The following CCDC181 variants were observed in gnomAD, a reference collection of about 807,000 sequenced individuals.
The protein encoded by CCDC181 is coiled-coil domain-containing protein 181.
In CCDC181, 35 loss-of-function variants were observed where a neutral mutation model predicts 58.7. That is an observed-to-expected ratio of 0.60 (90% CI 0.46 to 0.79). The LOEUF is 0.79. Ranked by LOEUF, CCDC181 falls within the 30% of genes least tolerant of loss-of-function variation. The pLI, the probability that CCDC181 is intolerant of heterozygous loss-of-function variation, is 0.00. For missense variants in CCDC181, 517 were observed against 583.9 expected (o/e 0.89, Z 1.18); for synonymous variants, 183 against 197.5 (o/e 0.93, Z 0.62).
chr1:169,444,866 T>C (rs1018170608), intron 2 of CCDC181, among the ~76,000 whole-genome samples: 4 of 152,134 alleles, frequency 2.6e-5, no homozygotes, highest in Admixed American at 2.0e-4. Context: ...AGATTACGGA[T>C]TGCCACAATT....
At chr1:169,409,999 A>T (rs1277065542) in intron 4 of CCDC181, among the ~76,000 whole-genome samples, 2 of 152,186 alleles carry the variant, frequency 1.3e-5, no homozygotes, top group Non-Finnish European at 2.9e-5. Flanking sequence ...ATAACCAACT[A>T]GCATCATAAT....
chr1:169,455,794 A>G (rs1443079320), intron 2 of CCDC181, among the ~76,000 whole-genome samples: 1 of 152,124 alleles, frequency 6.6e-6, no homozygotes, highest in Non-Finnish European at 1.5e-5. Context: ...TCTTTTTTTA[A>G]AGAAAGTACA....
chr1:169,398,063 G>A (rs1037382954), intron 4 of CCDC181, among the ~76,000 whole-genome samples: 18 of 152,116 alleles, frequency 1.2e-4, no homozygotes, highest in Non-Finnish European at 1.0e-4. Context: ...GATCTTTGAT[G>A]CACAACTGAA....
In CCDC181 at chr1:169,422,181, T is replaced by C. The variant is rs764909932; in HGVS notation, c.250A>G (p.Ile84Val). 2 of 1,613,890 alleles carry C rather than the reference T, an allele frequency of 1.2e-6. No homozygotes were observed. The highest frequency in any genetic ancestry group is 1.1e-5 in the South Asian group (1 of 91,078). Residue 84 changes from isoleucine (I) to valine (V), a missense_variant, in exon 3 of 6, where the codon ATT becomes GTT. By Grantham distance (29) the Ile-to-Val change is conservative. Transcript: ENST00000367806. ...AAAGGTTGAATACCTGGTACAGAAATGATGTCATTTCTTCTTGGTGAGACC... is the reference window on the plus strand; with the variant it reads ...AAAGGTTGAATACCTGGTACAGAAACGATGTCATTTCTTCTTGGTGAGACC... ...DEVSPRRNDI[I>V]SVPGIQPLDP...
intron 2 of CCDC181, among the ~76,000 whole-genome samples, chr1:169,434,301 G>T (rs1656998489): frequency 6.6e-6 from 1 of 151,884 alleles, no homozygotes; most frequent in South Asian, 2.1e-4. Context: ...GCAAGGATGT[G>T]GATAAATTGA....
chr1:169,445,550 TGAG>T (rs1657350688), intron 2 of CCDC181, among the ~76,000 whole-genome samples: 1 of 152,184 alleles, frequency 6.6e-6, no homozygotes, highest in Non-Finnish European at 1.5e-5. Context: ...CTAATCTTGT[TGAG>T]GAGTTTTGCA....
At position 169,441,376 on chromosome 1, in the gene CCDC181, A is replaced by G. The variant is rs114386937; in HGVS notation, c.-23-16426T>C. On this transcript the variant is annotated intron_variant, in intron 2 of 6. Coordinates refer to the CCDC181 transcript ENST00000545005. ...AATTTCTAAAATGGGGCATTTTGGG[A>G]AAGTGCAGAACTCTAGTAAATTAGG... Among the ~76,000 whole-genome samples the G allele has an allele frequency of 2.0e-3, 302 of 152,306 alleles. 4 individuals carry two copies. The highest frequency in any genetic ancestry group is 7.0e-3 in the African/African-American group (293 of 41,566).
chr1:169,421,765 A>T lies in CCDC181; in HGVS notation c.666T>A (p.Asp222Glu). 2 of 1,614,048 alleles carry T rather than the reference A, an allele frequency of 1.2e-6. No individual in the cohort carries two copies. Among genetic ancestry groups the T allele is most frequent in the Non-Finnish European group, 1.7e-6 (2 of 1,180,004 alleles). Reference protein sequence around the residue: ...NKDRTILVERDGKFELLNLQD... With the variant: ...NKDRTILVEREGKFELLNLQD... ...GTAAATTCAGAAGTTCAAATTTTCCATCTCTCTCTACCAGTATTGTCCTAT... is the reference window on the plus strand; with the variant it reads ...GTAAATTCAGAAGTTCAAATTTTCCTTCTCTCTCTACCAGTATTGTCCTAT... The change falls in exon 3 of 6, where the codon GAT becomes GAA. Residue 222 changes from aspartate to glutamate, a missense_variant. Asp to Glu is a conservative substitution (Grantham distance 45). Coordinates refer to ENST00000367806, the MANE Select transcript of CCDC181 (RefSeq NM_001300969.2).
intron 2 of CCDC181, 112 bp from the exon 3 acceptor site, chr1:169,422,425 G>C (rs1656523572): frequency 1.4e-6 from 1 of 723,818 alleles, no homozygotes. Context: ...GAAAATTTAA[G>C]TGTTTATTGC....
chr1:169,410,927 A>C (rs1053791776), intron 4 of CCDC181, among the ~76,000 whole-genome samples: 1 of 152,236 alleles, frequency 6.6e-6, no homozygotes, highest in East Asian at 1.9e-4. Flanking sequence ...AAATGCCCAC[A>C]GGAGAAAGCG....
At chr1:169,435,143 A>C (rs530208545) in intron 2 of CCDC181, among the ~76,000 whole-genome samples, 1 of 152,216 alleles carries the variant, frequency 6.6e-6, no homozygotes, top group South Asian at 2.1e-4. Context: ...TAGACAAAAA[A>C]AGGAATGAAG....
chr1:169,397,293 T>C lies in CCDC181; in HGVS notation c.1314A>G (p.Gln438=). The change falls in exon 5 of 6, where the codon CAA becomes CAG. Residue 438 remains glutamine, a synonymous_variant. Transcript: ENST00000367806. ...CTTTAAGGAAGAATAAACATTCCTC[T>C]TGCTTTCTTAGTTCTTCTGTCTGTC... ...KERQTEELRK[Q]EECLFFLKGT... The C allele has an allele frequency of 6.2e-7, 1 of 1,611,746 alleles. No homozygotes were observed. The highest frequency in any genetic ancestry group is 8.5e-7 in the Non-Finnish European group (1 of 1,178,970).
chr1:169,440,160 C>T (rs1490505412), intron 2 of CCDC181, among the ~76,000 whole-genome samples: 1 of 152,190 alleles, frequency 6.6e-6, no homozygotes, highest in Non-Finnish European at 1.5e-5. Context: ...TTCCTTGCCT[C>T]CTGTCCATAT....
chr1:169,453,726 C>CTTTTTTT (rs35290206), intron 2 of CCDC181, among the ~76,000 whole-genome samples: 1 of 134,906 alleles, frequency 7.4e-6, no homozygotes, highest in Non-Finnish European at 1.6e-5. Flanking sequence ...ACACATAATT[C>CTTTTTTT]TTTTTTTTTT....
intron 4 of CCDC181, among the ~76,000 whole-genome samples, chr1:169,409,950 A>G (rs1247703798): frequency 6.6e-6 from 1 of 152,244 alleles, no homozygotes; most frequent in African/African-American, 2.4e-5. Context: ...TGTAAAGACC[A>G]TTGACACTAT....
At chr1:169,405,715 G>C (rs200489266) in intron 4 of CCDC181, among the ~76,000 whole-genome samples, 11 of 152,050 alleles carry the variant, frequency 7.2e-5, no homozygotes, top group African/African-American at 2.4e-4. Context: ...TAGAAGAAAA[G>C]CTAGGAAATA....
At chr1:169,458,197 T>TG (rs1360909664) in intron 2 of CCDC181, among the ~76,000 whole-genome samples, 1,599 of 151,130 alleles carry the variant, frequency 0.011, 44 homozygotes, top group African/African-American at 0.037. Context: ...TTGTTTTGTT[T>TG]TTTTTGCCAT....
Position 169,397,149 on chromosome 1 carries a change from T to G in CCDC181, c.1370+88A>C, listed in dbSNP as rs1022779990. 1.3e-4 allele frequency: 142 copies of G among 1,089,538 alleles called. 1 individual carries two copies. The highest frequency in any genetic ancestry group is 3.7e-4 in the Admixed American group (11 of 29,436). The allele number at this position is 1,089,538 out of a possible 1,614,324, so 67.5% of individuals were successfully genotyped here. On this transcript the variant is annotated intron_variant, in intron 5 of 5. Transcript: ENST00000367806. ...GCTGTAAGAGAAAACATTTTGAGGG[T>G]TTTTTTTTTCCAATCTTAATTGATG...
chr1:169,415,069 C>A (rs1571483739), intron 4 of CCDC181, among the ~76,000 whole-genome samples: 2 of 152,144 alleles, frequency 1.3e-5, no homozygotes, highest in Non-Finnish European at 2.9e-5. Context: ...CAATATGACT[C>A]ATGTTTTCTG....
Sources: allele counts gnomAD v4.1 joint callset (sites outside exome capture counted in the v4.1 genomes callset), GRCh38; gene constraint gnomAD v4.1.1; transcripts MANE v1.5; gene names NCBI Gene and HGNC (gene_info 2026-07-23, HGNC 2026-07-21).